The following ADAM12 variants were observed in gnomAD, a reference collection of about 807,000 sequenced individuals.
The protein encoded by ADAM12 is ADAM metallopeptidase domain 12, also known as disintegrin and metalloproteinase domain-containing protein 12.
Under a neutral mutation model 106.4 loss-of-function variants are expected in ADAM12, and 70 were observed. That is an observed-to-expected ratio of 0.66 (90% CI 0.54 to 0.80). ADAM12 has a LOEUF of 0.80. Ranked by LOEUF, ADAM12 falls within the 30% of genes least tolerant of loss-of-function variation. The pLI, the probability that ADAM12 is intolerant of heterozygous loss-of-function variation, is 0.00. For missense variants in ADAM12, 1,010 were observed against 1,171.9 expected (o/e 0.86, Z 2.02); for synonymous variants, 420 against 433.5 (o/e 0.97, Z 0.39).
At chr10:126,024,392 T>A (rs957151603) in intron 21 of ADAM12, among the ~76,000 whole-genome samples, 1 of 152,172 alleles carries the variant, frequency 6.6e-6, no homozygotes, top group African/African-American at 2.4e-5. Context: ...AATTTTAGTT[T>A]TTACTTTTCT....
At chr10:126,260,138 A>G (rs2133706753) in intron 3 of ADAM12, among the ~76,000 whole-genome samples, 1 of 152,288 alleles carries the variant, frequency 6.6e-6, no homozygotes, top group Non-Finnish European at 1.5e-5. Flanking sequence ...CATACACATT[A>G]CCTACCTACC....
chr10:126,382,618 A>T (rs1275780494), intron 1 of ADAM12, among the ~76,000 whole-genome samples: 1 of 152,212 alleles, frequency 6.6e-6, no homozygotes, highest in African/African-American at 2.4e-5. Flanking sequence ...ATGAATGTTC[A>T]TCAGTCAGTA....
At chr10:126,322,296 A>T (rs1854128050) in intron 2 of ADAM12, among the ~76,000 whole-genome samples, 1 of 152,164 alleles carries the variant, frequency 6.6e-6, no homozygotes, top group Non-Finnish European at 1.5e-5. Context: ...AGCTCTTCCC[A>T]GAAAAATCTG....
chr10:126,128,107 C>A (rs1956235670), intron 5 of ADAM12, among the ~76,000 whole-genome samples: 1 of 152,046 alleles, frequency 6.6e-6, no homozygotes, highest in African/African-American at 2.4e-5. Flanking sequence ...CACTGAGAGG[C>A]CATGAGGAAG....
intron 3 of ADAM12, among the ~76,000 whole-genome samples, chr10:126,221,603 C>T (rs575523710): frequency 2.0e-5 from 3 of 152,092 alleles, no homozygotes; most frequent in Non-Finnish European, 4.4e-5. Flanking sequence ...AAAATCTCTT[C>T]ACCATCTGTC....
intron 3 of ADAM12, among the ~76,000 whole-genome samples, chr10:126,181,647 G>A (rs769229558): frequency 6.6e-6 from 1 of 152,110 alleles, no homozygotes; most frequent in Non-Finnish European, 1.5e-5. Flanking sequence ...TGAAACAAGC[G>A]AATGAAAGAA....
intron 2 of ADAM12, among the ~76,000 whole-genome samples, chr10:126,281,431 A>C (rs1171531957): frequency 6.6e-6 from 1 of 152,202 alleles, no homozygotes; most frequent in Non-Finnish European, 1.5e-5. Flanking sequence ...CAAAGAATTG[A>C]GGTAGTTTAA....
At chr10:126,195,040 C>T (rs542319968) in intron 3 of ADAM12, among the ~76,000 whole-genome samples, 13 of 151,696 alleles carry the variant, frequency 8.6e-5, no homozygotes, top group Non-Finnish European at 1.6e-4. Context: ...AAATATTGTT[C>T]TCCTTTATAT....
intron 3 of ADAM12, among the ~76,000 whole-genome samples, chr10:126,172,071 A>G (rs1174713089): frequency 6.6e-6 from 1 of 152,214 alleles, no homozygotes; most frequent in East Asian, 1.9e-4. Context: ...ATCCCTCCTA[A>G]AAGTTTCATT....
chr10:126,381,616 C>CT lies in ADAM12; in HGVS notation c.88+6441dup, dbSNP rs1184216022. Among the ~76,000 whole-genome samples the CT allele has an allele frequency of 7.2e-5, 11 of 152,196 alleles. No individual in the cohort carries two copies. In the South Asian group the frequency reaches 1.9e-3, roughly 26 times the overall value. ...GTTCAAGCGATTCTCCTGCCTCAGC[C>CT]TCTGGAGTAGCTGGGATTACAGGTG... On this transcript the variant is annotated intron_variant, in intron 1 of 22. Transcript: ENST00000448723.
chr10:126,350,822 C>T (rs1227087603), intron 1 of ADAM12, among the ~76,000 whole-genome samples: 1 of 152,206 alleles, frequency 6.6e-6, no homozygotes, highest in East Asian at 1.9e-4. Context: ...ATTCACGCCT[C>T]TGGCAGTGGG....
chr10:126,267,059 G>T (rs1959110604), intron 3 of ADAM12, among the ~76,000 whole-genome samples: 1 of 152,170 alleles, frequency 6.6e-6, no homozygotes, highest in African/African-American at 2.4e-5. Flanking sequence ...TGGAGGAGCT[G>T]ACGTGGCTTG....
intron 11 of ADAM12, among the ~76,000 whole-genome samples, chr10:126,090,192 C>A (rs538862624): frequency 6.6e-6 from 1 of 152,048 alleles, no homozygotes; most frequent in Admixed American, 6.5e-5. Context: ...CAGCTGTGTC[C>A]CTAACACCTA....
intron 2 of ADAM12, among the ~76,000 whole-genome samples, chr10:126,293,910 T>C (rs1255090793): frequency 6.6e-6 from 1 of 152,214 alleles, no homozygotes; most frequent in Non-Finnish European, 1.5e-5. Flanking sequence ...ATCTCTGCTC[T>C]TCTAACTATA....
chr10:126,121,113 A>ATATATAGTATATATAGTATATATAG (rs751471972), intron 5 of ADAM12, among the ~76,000 whole-genome samples: 4 of 84,472 alleles, frequency 4.7e-5, no homozygotes, highest in Non-Finnish European at 8.1e-5. Context: ...TATATATAGT[A>ATATATAGTATATATAGTATATATAG]TATATATAGT....
intron 3 of ADAM12, among the ~76,000 whole-genome samples, chr10:126,277,737 C>A (rs1189680964): frequency 6.6e-6 from 1 of 152,050 alleles, no homozygotes; most frequent in African/African-American, 2.4e-5. Context: ...CACCTCATTT[C>A]TTGTTTCCAA....
chr10:126,262,796 C>T (rs1959027446), intron 3 of ADAM12, among the ~76,000 whole-genome samples: 1 of 152,164 alleles, frequency 6.6e-6, no homozygotes, highest in Admixed American at 6.5e-5. Context: ...AGGCATCTAG[C>T]TTTTATCAAA....
Position 126,320,395 on chromosome 10 carries a change from A to T in ADAM12, c.186+10017T>A, listed in dbSNP as rs559050461. On this transcript the variant is annotated intron_variant, in intron 2 of 22. Transcript: ENST00000448723. ...TGTAGTCAAGCGTTGTTTTAATATAATTTTATATACGTGGTTGCAGGCACT... is the reference window on the plus strand; with the variant it reads ...TGTAGTCAAGCGTTGTTTTAATATATTTTTATATACGTGGTTGCAGGCACT... Among the ~76,000 whole-genome samples, 5 of 152,304 alleles carry T rather than the reference A, an allele frequency of 3.3e-5. No individual in the cohort carries two copies. The East Asian group carries it at 9.6e-4, about 29-fold the overall frequency.
intron 3 of ADAM12, among the ~76,000 whole-genome samples, chr10:126,202,862 G>A (rs895980939): frequency 6.6e-6 from 1 of 151,702 alleles, no homozygotes; most frequent in Non-Finnish European, 1.5e-5. Context: ...TTTTCCGAAG[G>A]TCAAAGTGAG....
Sources: allele counts gnomAD v4.1 joint callset (sites outside exome capture counted in the v4.1 genomes callset), GRCh38; gene constraint gnomAD v4.1.1; transcripts MANE v1.5; gene names NCBI Gene and HGNC (gene_info 2026-07-23, HGNC 2026-07-21).